The following HMGA2 variants were observed in gnomAD, a reference collection of about 807,000 sequenced individuals.
HMGA2 encodes the protein high mobility group protein HMGI-C.
HMGA2 carries 8 observed loss-of-function variants against 19.1 expected under a neutral mutation model. That is an observed-to-expected ratio of 0.42 (90% confidence interval 0.25 to 0.76). The LOEUF is 0.76. Among genes scored for constraint, HMGA2 ranks in the 30% least tolerant of loss-of-function variants. The pLI, the probability that HMGA2 is intolerant of heterozygous loss-of-function variation, is 0.28. For synonymous variants in HMGA2, 60 were observed against 48.8 expected, an observed-to-expected ratio of 1.23 and a Z score of -0.96; for missense variants, 109 against 136.3, an observed-to-expected ratio of 0.80 and a Z score of 1.00.
In HMGA2 at chr12:65,825,445, G is replaced by C; in HGVS notation, c.111+64G>C. 8.4e-7 allele frequency: 1 copy of C among 1,196,314 alleles called. No individual in the cohort carries two copies. The highest frequency in any genetic ancestry group is 1.1e-6 in the Non-Finnish European group (1 of 903,618). The allele number at this position is 1,196,314 out of a possible 1,614,324, so 74.1% of individuals were successfully genotyped here. On this transcript the variant is annotated intron_variant, in intron 1 of 4. Transcript: ENST00000403681. The surrounding 1 kb of genome is among the most constrained non-coding windows in gnomAD (Gnocchi z 4.4). ...GTCCCCACTGCCGGGGCCCAGACAC[G>C]CGCGGGGCGGCCGGAGTGCGGGAGC...
At chr12:65,848,641 G>T (rs1244842706) in intron 3 of HMGA2, among the ~76,000 whole-genome samples, 1 of 152,086 alleles carries the variant, frequency 6.6e-6, no homozygotes, top group African/African-American at 2.4e-5. Context: ...TGGATCATGA[G>T]GTCAGGAGAT....
chr12:65,943,704 G>T (rs1166447417), intron 3 of HMGA2, among the ~76,000 whole-genome samples: 1 of 152,080 alleles, frequency 6.6e-6, no homozygotes, highest in African/African-American at 2.4e-5. Context: ...CGCTTCTTAG[G>T]AGACTTTGTA....
chr12:65,957,083 CAA>C (rs1876626254), intron 4 of HMGA2: 1 of 152,086 alleles, frequency 6.6e-6, no homozygotes, highest in Non-Finnish European at 1.5e-5. Context: ...TAATCTTACT[CAA>C]AAGTCATAAC....
In HMGA2 at chr12:65,847,340, G is replaced by A. The variant is rs1871273914; in HGVS notation, c.249+8771G>A. 3.3e-5 allele frequency among the ~76,000 whole-genome samples: 5 copies of A among 152,116 alleles called. No homozygotes were observed. In the South Asian group the frequency reaches 1.0e-3, roughly 32 times the overall value. ...CAGAAAAAAACAGGAAAATTCTGTT[G>A]AGCCATTTAACATATGGTGACCTTA... On this transcript the variant is annotated intron_variant, in intron 3 of 4. Coordinates refer to ENST00000403681, the MANE Select transcript of HMGA2 (RefSeq NM_003483.6).
intron 3 of HMGA2, among the ~76,000 whole-genome samples, chr12:65,911,914 A>G (rs1479650640): frequency 6.6e-6 from 1 of 152,206 alleles, no homozygotes; most frequent in African/African-American, 2.4e-5. Context: ...TGTTACAAGC[A>G]TGGCCAAACA....
intron 3 of HMGA2, among the ~76,000 whole-genome samples, chr12:65,868,940 G>A (rs1355339551): frequency 1.3e-5 from 2 of 152,202 alleles, no homozygotes; most frequent in Non-Finnish European, 2.9e-5. Context: ...CATTAATGCT[G>A]TCCCAAACTG....
At chr12:65,827,420 A>T (rs1870260634) in intron 1 of HMGA2, among the ~76,000 whole-genome samples, 1 of 152,212 alleles carries the variant, frequency 6.6e-6, no homozygotes, top group South Asian at 2.1e-4. Flanking sequence ...AATTATTTGG[A>T]AATTTTAGGG....
chr12:65,910,448 C>T (rs1004118680), intron 3 of HMGA2, among the ~76,000 whole-genome samples: 9 of 152,304 alleles, frequency 5.9e-5, no homozygotes, highest in East Asian at 1.9e-4. Context: ...ATCTTTACAC[C>T]GTACTCACTC....
chr12:65,847,275 C>T (rs927236358), intron 3 of HMGA2, among the ~76,000 whole-genome samples: 1 of 151,830 alleles, frequency 6.6e-6, no homozygotes, highest in South Asian at 2.1e-4. Context: ...GGTGTTAAAT[C>T]GTCAGGTACA....
At chr12:65,872,318 G>C (rs933481669) in intron 3 of HMGA2, among the ~76,000 whole-genome samples, 9 of 152,082 alleles carry the variant, frequency 5.9e-5, no homozygotes, top group Admixed American at 5.9e-4. Context: ...AACCTGTCCT[G>C]TGTTTCTTCT....
intron 3 of HMGA2, chr12:65,843,256 T>C: frequency 4.5e-6 from 1 of 223,746 alleles, no homozygotes; most frequent in Non-Finnish European, 8.9e-6. Context: ...TGATTCCCTT[T>C]ATTTGGTAAT....
At chr12:65,864,326 G>A (rs1313680802) in intron 3 of HMGA2, among the ~76,000 whole-genome samples, 2 of 152,166 alleles carry the variant, frequency 1.3e-5, no homozygotes, top group Admixed American at 1.3e-4. Flanking sequence ...GAGATTTGAA[G>A]AGTGCTACAT....
At chr12:65,826,229 G>GAAGGGGAC (rs1342568511) in intron 1 of HMGA2, 1 of 152,376 alleles carries the variant, frequency 6.6e-6, no homozygotes, top group Non-Finnish European at 1.5e-5. Context: ...CAGTGGCCGG[G>GAAGGGGAC]GGTTGAGTAG....
intron 3 of HMGA2, among the ~76,000 whole-genome samples, chr12:65,913,222 G>A (rs917348267): frequency 6.6e-6 from 1 of 151,902 alleles, no homozygotes; most frequent in Admixed American, 6.6e-5. Context: ...CTGCCATTTT[G>A]TACCATTCTG....
rs1228602187 is a variant in HMGA2 at position 65,825,121 on chromosome 12, T to G, written c.-150T>G. On this transcript the variant is annotated 5_prime_UTR_variant, in exon 1 of 5. The change abolishes the stop of an existing upstream ORF in the 5' untranslated region. Transcript: ENST00000403681. The surrounding 1 kb of genome is among the most constrained non-coding windows in gnomAD (Gnocchi z 4.4). ...GTTGATGGTGGCAGCGGCGGCAGCC[T>G]AAGCAACAGCAGCCCTCGCAGCCCG... is the stretch of plus-strand genomic sequence containing the variant. 5.1e-6 allele frequency: 3 copies of G among 584,316 alleles called. No individual in the cohort carries two copies. The Admixed American group carries it at 1.1e-4, about 21-fold the overall frequency. The allele number at this position is 584,316 out of a possible 1,614,324, so 36.2% of individuals were successfully genotyped here. A position where few individuals can be genotyped will look rare whatever the true frequency, so the allele number is the denominator to read the frequency against.
rs543899903 is a variant in HMGA2, at chr12:65,872,233, G to A, written c.249+33664G>A. Among the ~76,000 whole-genome samples the A allele has an allele frequency of 2.4e-4, 37 of 152,286 alleles. No individual in the cohort carries two copies. In the South Asian group the frequency reaches 7.2e-3, roughly 30 times the overall value. On this transcript the variant is annotated intron_variant, in intron 3 of 4. Transcript: ENST00000403681. The stretch of plus-strand genomic sequence containing the variant: ...GACACTTCTCAGTCCCCGTCCTGAT[G>A]TCTCTTCTGAAATATCTGACACATC...
At chr12:65,926,336 G>T (rs1246374752) in intron 3 of HMGA2, among the ~76,000 whole-genome samples, 1 of 152,174 alleles carries the variant, frequency 6.6e-6, no homozygotes, top group Non-Finnish European at 1.5e-5. Context: ...TCTGCATTTG[G>T]CAATTACTCC....
intron 3 of HMGA2, among the ~76,000 whole-genome samples, chr12:65,947,226 C>G (rs907904792): frequency 5.3e-5 from 8 of 151,854 alleles, no homozygotes; most frequent in African/African-American, 1.9e-4. Context: ...CTCAAGCAAT[C>G]CTCCCACCTC....
At chr12:65,959,602 A>C (rs1286993540) in intron 4 of HMGA2, among the ~76,000 whole-genome samples, 1 of 152,132 alleles carries the variant, frequency 6.6e-6, no homozygotes, top group Non-Finnish European at 1.5e-5. Context: ...GTGCACTTGC[A>C]CTTTGAAAAG....
Sources: allele counts gnomAD v4.1 joint callset (sites outside exome capture counted in the v4.1 genomes callset), GRCh38; gene constraint gnomAD v4.1.1; non-coding constraint Gnocchi (gnomAD v3.1); transcripts MANE v1.5; gene names NCBI Gene and HGNC (gene_info 2026-07-23, HGNC 2026-07-21).